Variants in THSD4 observed in about 807,000 individuals in gnomAD.
The protein encoded by THSD4 is thrombospondin type 1 domain containing 4, also known as thrombospondin type-1 domain-containing protein 4.
A neutral mutation model predicts 119.0 loss-of-function variants in THSD4; 69 were observed. That is an observed-to-expected ratio of 0.58 (90% CI 0.48 to 0.71). THSD4 has a LOEUF of 0.71. Among genes scored for constraint, THSD4 ranks in the 30% least tolerant of loss-of-function variants. The pLI is 0.00. For synonymous variants in THSD4, 524 were observed against 540.4 expected (o/e 0.97, Z 0.42); for missense variants, 1,393 against 1,391.1 (o/e 1.00, Z -0.02).
chr15:71,637,061 A>G (rs1159535203), intron 7 of THSD4, among the ~76,000 whole-genome samples: 1 of 151,516 alleles, frequency 6.6e-6, no homozygotes, highest in Non-Finnish European at 1.5e-5. Context: ...ATTTTTTTGT[A>G]TTTTTGGTAG....
At chr15:71,128,187 C>G (rs1392310245) in intron 1 of THSD4, among the ~76,000 whole-genome samples, 3 of 151,522 alleles carry the variant, frequency 2.0e-5, no homozygotes, top group Non-Finnish European at 4.4e-5. Flanking sequence ...ATTACCCAAC[C>G]TGAGCAACAG....
At chr15:71,659,728 T>C (rs1036302499) in intron 7 of THSD4, among the ~76,000 whole-genome samples, 36 of 152,304 alleles carry the variant, frequency 2.4e-4, no homozygotes, top group African/African-American at 7.7e-4. Context: ...TTAATTTGTG[T>C]GTGCGACATA....
At chr15:71,598,344 G>A (rs552686639) in intron 7 of THSD4, among the ~76,000 whole-genome samples, 1 of 152,218 alleles carries the variant, frequency 6.6e-6, no homozygotes, top group Admixed American at 6.5e-5. Flanking sequence ...AAAGTCAAAC[G>A]GGACACATCC....
At chr15:71,430,759 G>GAAAAAAA (rs397719477) in intron 7 of THSD4, among the ~76,000 whole-genome samples, 12 of 82,910 alleles carry the variant, frequency 1.4e-4, no homozygotes, top group South Asian at 5.2e-4. Flanking sequence ...TCTGTCTCAA[G>GAAAAAAA]AAAAAAAAAA....
chr15:71,590,473 C>T (rs2049773344), intron 7 of THSD4, among the ~76,000 whole-genome samples: 1 of 128,898 alleles, frequency 7.8e-6, no homozygotes, highest in Admixed American at 8.3e-5. Flanking sequence ...AAACCAAATA[C>T]TGCATGTTCT....
At chr15:71,736,755 T>C (rs1376715315) in intron 10 of THSD4, among the ~76,000 whole-genome samples, 1 of 152,226 alleles carries the variant, frequency 6.6e-6, no homozygotes, top group Non-Finnish European at 1.5e-5. Context: ...CACTTTACCC[T>C]TAATGAAAGC....
chr15:71,410,531 T>A (rs2140500643), intron 6 of THSD4, among the ~76,000 whole-genome samples: 1 of 152,214 alleles, frequency 6.6e-6, no homozygotes, highest in African/African-American at 2.4e-5. Context: ...GAATGGGATT[T>A]AAGGAAGAAC....
intron 7 of THSD4, among the ~76,000 whole-genome samples, chr15:71,586,333 A>G (rs2049670176): frequency 6.6e-6 from 1 of 152,238 alleles, no homozygotes; most frequent in African/African-American, 2.4e-5. Context: ...GTCTGGGCAC[A>G]GCATGACTAG....
intron 7 of THSD4, among the ~76,000 whole-genome samples, chr15:71,549,368 G>A (rs964822505): frequency 7.2e-5 from 11 of 152,006 alleles, no homozygotes; most frequent in African/African-American, 2.4e-4. Context: ...GTGTGCATGC[G>A]TGTGTGAGTG....
intron 3 of THSD4, among the ~76,000 whole-genome samples, chr15:71,157,078 G>A (rs1025638376): frequency 3.9e-5 from 6 of 152,158 alleles, no homozygotes; most frequent in African/African-American, 1.4e-4. Flanking sequence ...AATCCTAAGA[G>A]TTGAGTCAAT....
In THSD4 at chr15:71,608,116, G is replaced by C. The variant is rs927120795; in HGVS notation, c.1153-52414G>C. Among the ~76,000 whole-genome samples, 3 of 151,594 alleles carry C rather than the reference G, an allele frequency of 2.0e-5. No homozygotes were observed. The South Asian group carries it at 6.3e-4, about 32-fold the overall frequency. ...CAGGCACCTGTAATGCCAGCTACTT[G>C]TGGGGCCGAGGCAGGAGAATTGTTT... On this transcript the variant is annotated intron_variant, in intron 7 of 17. Transcript: ENST00000261862.
chr15:71,148,589 T>C (rs960731457), intron 2 of THSD4, among the ~76,000 whole-genome samples: 1 of 152,194 alleles, frequency 6.6e-6, no homozygotes, highest in African/African-American at 2.4e-5. Context: ...CTGGTGGGAC[T>C]GGATGAATGC....
chr15:71,511,675 C>T (rs1266022006), intron 7 of THSD4, among the ~76,000 whole-genome samples: 4 of 152,162 alleles, frequency 2.6e-5, no homozygotes, highest in Admixed American at 6.5e-5. Context: ...AATCACTTAA[C>T]TTCCCAAATT....
Position 71,608,243 on chromosome 15 carries a change from T to TAC in THSD4, c.1153-52286_1153-52285insCA, listed in dbSNP as rs1358546603. 6.3e-4 allele frequency among the ~76,000 whole-genome samples: 52 copies of TAC among 82,776 alleles called. 1 individual carries two copies. Among genetic ancestry groups the TAC allele is most frequent in the African/African-American group, 1.8e-3 (50 of 27,620 alleles). 54.3% of individuals were successfully genotyped at this position (82,776 alleles called of 152,430 possible). Reference sequence around the variant, plus strand: ...GTCTCAAAAAAAAAAAAAAAATATATATATATACACACACACACACACACA... The same window carrying TAC: ...GTCTCAAAAAAAAAAAAAAAATATATACATATATACACACACACACACACACA... On this transcript the variant is annotated intron_variant, in intron 7 of 17. Transcript: ENST00000261862.
At chr15:71,264,337 G>A (rs1209605771) in intron 6 of THSD4, among the ~76,000 whole-genome samples, 2 of 152,138 alleles carry the variant, frequency 1.3e-5, no homozygotes, top group East Asian at 1.9e-4. Flanking sequence ...AATGAGAGGC[G>A]GTTTCTATTT....
intron 8 of THSD4, among the ~76,000 whole-genome samples, chr15:71,699,397 T>G (rs1451269181): frequency 1.6e-5 from 1 of 63,012 alleles, no homozygotes; most frequent in Non-Finnish European, 2.8e-5. Context: ...GTATTTTTAG[T>G]AGAGACGGGG....
intron 7 of THSD4, among the ~76,000 whole-genome samples, chr15:71,480,286 C>T (rs948698245): frequency 6.6e-6 from 1 of 152,222 alleles, no homozygotes; most frequent in Admixed American, 6.5e-5. Flanking sequence ...GATCTACTCA[C>T]CTTGGCCTCC....
chr15:71,624,316 A>G (rs892026306), intron 7 of THSD4, among the ~76,000 whole-genome samples: 1 of 152,256 alleles, frequency 6.6e-6, no homozygotes, highest in African/African-American at 2.4e-5. Flanking sequence ...CAGTCCTGAA[A>G]GGAATCCGGA....
Position 71,589,920 on chromosome 15 carries a change from G to T in THSD4, c.1153-70610G>T, listed in dbSNP as rs990279827. ...CATGTGTCATCATGGACACAAATAA[G>T]AAATCAAATGTGAAAGAAAGATGGT... is the stretch of plus-strand genomic sequence containing the variant. On this transcript the variant is annotated intron_variant, in intron 7 of 17. Transcript: ENST00000261862. 1.4e-5 allele frequency among the ~76,000 whole-genome samples: 2 copies of T among 139,242 alleles called. 1 individual carries two copies. Among genetic ancestry groups the T allele is most frequent in the Non-Finnish European group, 3.3e-5 (2 of 61,210 alleles). The allele number at this position is 139,242 out of a possible 152,430, so 91.3% of individuals were successfully genotyped here. A position where few individuals can be genotyped will look rare whatever the true frequency, so the allele number is the denominator to read the frequency against.
Sources: allele counts gnomAD v4.1 joint callset (sites outside exome capture counted in the v4.1 genomes callset), GRCh38; gene constraint gnomAD v4.1.1; transcripts MANE v1.5; gene names NCBI Gene and HGNC (gene_info 2026-07-23, HGNC 2026-07-21).